The following DOCK5 variants were observed in gnomAD, a reference collection of about 807,000 sequenced individuals.
DOCK5 encodes dedicator of cytokinesis 5, also known as dedicator of cytokinesis protein 5.
A neutral mutation model predicts 251.8 loss-of-function variants in DOCK5; 142 were observed. That is an observed-to-expected ratio of 0.56 (90% CI 0.49 to 0.65). The LOEUF (loss-of-function observed/expected upper bound fraction) is 0.65. DOCK5 is among the 30% of genes least tolerant of loss of function. DOCK5 has a pLI of 0.00. For synonymous variants in DOCK5, 842 were observed against 835.5 expected, an observed-to-expected ratio of 1.01 and a Z score of -0.13; for missense variants, 2,111 against 2,312.3, an observed-to-expected ratio of 0.91 and a Z score of 1.79.
At position 25,392,775 on chromosome 8, in the gene DOCK5, T is replaced by G. The variant is rs576922962; in HGVS notation, c.4441-21T>G. 1.0e-5 allele frequency: 16 copies of G among 1,603,048 alleles called. No individual in the cohort carries two copies. The South Asian group carries it at 1.6e-4, about 16-fold the overall frequency. On this transcript the variant is annotated intron_variant, in intron 43 of 51. Coordinates refer to ENST00000276440, the MANE Select transcript of DOCK5 (RefSeq NM_024940.8). The stretch of plus-strand genomic sequence containing the variant: ...CTCCTGGGAATTGACCAACATTTCA[T>G]GTTTTCCTTCTTGCCACCAGACGAT...
At chr8:25,314,649 G>A (rs1238104848) in intron 13 of DOCK5, among the ~76,000 whole-genome samples, 1 of 124,524 alleles carries the variant, frequency 8.0e-6, no homozygotes, top group South Asian at 2.9e-4. Flanking sequence ...CTATCTAACC[G>A]TCCACCTATC....
chr8:25,370,935 A>C (rs1465838589), intron 34 of DOCK5, among the ~76,000 whole-genome samples: 1 of 152,114 alleles, frequency 6.6e-6, no homozygotes, highest in African/African-American at 2.4e-5. Context: ...ATGAGCCACC[A>C]CGTCTGGCCT....
At position 25,292,033 on chromosome 8, in the gene DOCK5, C is replaced by T; in HGVS notation, c.331C>T (p.Leu111Phe). The stretch of plus-strand genomic sequence containing the variant: ...TATTTTCTCATCTTAGAACAACAAG[C>T]TCACCCTCTTCCGCCAGCTGCAGCA... ...IWRKLYVNNK[L>F]TLFRQLQQMT... The change falls in exon 6 of 52, where the codon CTC (leucine) becomes TTC (phenylalanine). Residue 111 changes from leucine to phenylalanine, a missense_variant. Transcript: ENST00000276440. 6.3e-7 allele frequency: 1 copy of T among 1,596,918 alleles called. No individual in the cohort carries two copies.
At chr8:25,262,514 C>G (rs1803617457) in intron 2 of DOCK5, among the ~76,000 whole-genome samples, 2 of 152,064 alleles carry the variant, frequency 1.3e-5, no homozygotes, top group African/African-American at 4.8e-5. Flanking sequence ...TCTGGCCTAC[C>G]AGGGTTTATC....
chr8:25,365,722 G>C (rs531277334), intron 30 of DOCK5, among the ~76,000 whole-genome samples: 1 of 152,306 alleles, frequency 6.6e-6, no homozygotes, highest in African/African-American at 2.4e-5. Context: ...CAAAGGGGTA[G>C]CCTCTGATCC....
chr8:25,407,460 A>C (rs1380212106), intron 48 of DOCK5, among the ~76,000 whole-genome samples: 1 of 152,164 alleles, frequency 6.6e-6, no homozygotes, highest in Non-Finnish European at 1.5e-5. Context: ...GATACTCCCT[A>C]ATATTTTCGT....
intron 18 of DOCK5, among the ~76,000 whole-genome samples, chr8:25,331,570 G>T (rs1194633992): frequency 1.3e-5 from 2 of 152,074 alleles, no homozygotes; most frequent in African/African-American, 4.8e-5. Context: ...CCACCTGTCT[G>T]ATTTGCTTGT....
chr8:25,264,470 T>G lies in DOCK5; in HGVS notation c.128-4375T>G, dbSNP rs1421591156. Among the ~76,000 whole-genome samples the G allele has an allele frequency of 2.0e-5, 3 of 151,956 alleles. No individual in the cohort carries two copies. In the South Asian group the frequency reaches 6.2e-4, roughly 31 times the overall value. On this transcript the variant is annotated intron_variant, in intron 2 of 51. Transcript: ENST00000276440. ...ACCCACCACTCCCCTTTGGTGTTCC[T>G]CTTGCTACTACACCTCACATCCCAC...
Position 25,334,107 on chromosome 8 carries a change from T to G in DOCK5, c.2103T>G (p.Ile701Met), listed in dbSNP as rs1805744359. The change falls in exon 21 of 52, where the codon ATT becomes ATG. Residue 701 changes from isoleucine (I) to methionine (M), a missense_variant. Ile to Met is a conservative substitution (Grantham distance 10, BLOSUM62 1). Around this residue, in one of 3 missense-constraint regions of DOCK5, gnomAD observed 1,717 missense variants for 1,892.4 expected, o/e 0.91. Coordinates refer to ENST00000276440, the MANE Select transcript of DOCK5 (RefSeq NM_024940.8). ...TTCACTTTTGGCAGGTATTTATTATTTCACTGATAGGAGACATCAAGTTCC... is the reference window on the plus strand; with the variant it reads ...TTCACTTTTGGCAGGTATTTATTATGTCACTGATAGGAGACATCAAGTTCC... ...FLVFDALVFIISLIGDIKFQH... is the reference protein window; with the variant it reads ...FLVFDALVFIMSLIGDIKFQH... The G allele has an allele frequency of 6.2e-7, 1 of 1,613,540 alleles. No homozygotes were observed. Among genetic ancestry groups the G allele is most frequent in the Non-Finnish European group, 8.5e-7 (1 of 1,179,610 alleles).
rs1563309223 is a variant in DOCK5, at chr8:25,210,058, G to GTA, written c.43+25108_43+25109insAT. Among the ~76,000 whole-genome samples the GTA allele has an allele frequency of 2.8e-4, 8 of 28,992 alleles. 1 individual carries two copies. The highest frequency in any genetic ancestry group is 8.1e-4 in the African/African-American group (8 of 9,850). 19.0% of individuals were successfully genotyped at this position (28,992 alleles called of 152,430 possible). On this transcript the variant is annotated intron_variant, in intron 1 of 51. Coordinates refer to ENST00000276440, the MANE Select transcript of DOCK5 (RefSeq NM_024940.8). ...TAAATGTGTGTGTGTGTGTGTGTGT[G>GTA]TGTGTGTGTGTATCTGTCTATTTAT...
intron 25 of DOCK5, among the ~76,000 whole-genome samples, chr8:25,344,916 AT>A (rs2117238169): frequency 6.6e-6 from 1 of 152,336 alleles, no homozygotes; most frequent in African/African-American, 2.4e-5. Context: ...TGAACTCATT[AT>A]AAAATGTGTT....
Position 25,351,767 on chromosome 8 carries a change from C to T in DOCK5, c.2791C>T (p.Arg931Trp), listed in dbSNP as rs1407506156. The T allele has an allele frequency of 5.0e-6, 8 of 1,613,852 alleles. No homozygotes were observed. Among genetic ancestry groups the T allele is most frequent in the Admixed American group, 1.7e-5 (1 of 60,004 alleles). Residue 931 changes from arginine (R) to tryptophan (W), a missense_variant, in exon 27 of 52, where the codon CGG becomes TGG. Coordinates refer to ENST00000276440, the MANE Select transcript of DOCK5 (RefSeq NM_024940.8). ...TAVHIQLIMERLLRRINRTVI... is the reference protein window; with the variant it reads ...TAVHIQLIMEWLLRRINRTVI... ...GGTGCACATTCAGCTTATAATGGAA[C>T]GGCTGCTGAGAAGGATCAACCGGAC...
chr8:25,206,848 A>G (rs569703657), intron 1 of DOCK5, among the ~76,000 whole-genome samples: 2 of 152,326 alleles, frequency 1.3e-5, no homozygotes, highest in Non-Finnish European at 2.9e-5. Context: ...TTGGGAGTTG[A>G]GTTGGTGGCA....
intron 1 of DOCK5, among the ~76,000 whole-genome samples, chr8:25,216,141 C>CGTGTATACAATATGTATATAT (rs1802240631): frequency 4.7e-5 from 7 of 149,326 alleles, no homozygotes; most frequent in Non-Finnish European, 1.0e-4. Flanking sequence ...TATGTCTATA[C>CGTGTATACAATATGTATATAT]GTGTATACAA....
intron 36 of DOCK5, 29 bp downstream of exon 36, chr8:25,373,687 C>A: frequency 6.4e-7 from 1 of 1,566,320 alleles, no homozygotes; most frequent in Non-Finnish European, 8.7e-7. Flanking sequence ...CTTGCTTCTG[C>A]TGTTTATTTC....
chr8:25,411,107 A>G, intron 51 of DOCK5, 87 bp from the exon 52 acceptor site: 1 of 1,393,994 alleles, frequency 7.2e-7, no homozygotes, highest in Non-Finnish European at 9.4e-7. Flanking sequence ...ATTAGAAGCT[A>G]AAGCAGAATA....
At chr8:25,201,425 A>G (rs1270133983) in intron 1 of DOCK5, among the ~76,000 whole-genome samples, 1 of 152,248 alleles carries the variant, frequency 6.6e-6, no homozygotes, top group Non-Finnish European at 1.5e-5. Context: ...AGTATCACTA[A>G]CATTACATGC....
chr8:25,310,947 A>G (rs1173135757), intron 13 of DOCK5, among the ~76,000 whole-genome samples: 4 of 152,122 alleles, frequency 2.6e-5, no homozygotes, highest in Non-Finnish European at 5.9e-5. Flanking sequence ...TGTTCAGGAG[A>G]CTAATTGGCC....
At chr8:25,295,256 T>A (rs1233493044) in intron 6 of DOCK5, among the ~76,000 whole-genome samples, 5 of 151,206 alleles carry the variant, frequency 3.3e-5, no homozygotes, top group Non-Finnish European at 2.9e-5. Flanking sequence ...CTGGGCAACA[T>A]AGCAAGACCC....
Sources: allele counts gnomAD v4.1 joint callset (sites outside exome capture counted in the v4.1 genomes callset), GRCh38; gene constraint gnomAD v4.1.1; regional missense constraint gnomAD v4.1.1; transcripts MANE v1.5; gene names NCBI Gene and HGNC (gene_info 2026-07-23, HGNC 2026-07-21).